ANO4: variants seen among roughly 807,000 people sequenced by gnomAD.
ANO4 encodes the protein anoctamin-4.
ANO4 carries 69 observed loss-of-function variants against 141.9 expected under a neutral mutation model. The ratio of observed to expected loss-of-function variants is 0.49; its 90% CI spans 0.40 to 0.59. ANO4 has a LOEUF of 0.59. ANO4 is among the 20% of genes least tolerant of loss of function. ANO4 has a pLI of 0.00. For missense variants in ANO4, 894 were observed against 1,162.2 expected (o/e 0.77, Z 3.36); for synonymous variants, 350 against 394.3 (o/e 0.89, Z 1.33).
chr12:100,984,935 T>A (rs1364502959), intron 7 of ANO4, among the ~76,000 whole-genome samples: 1 of 152,204 alleles, frequency 6.6e-6, no homozygotes, highest in Non-Finnish European at 1.5e-5. Context: ...TACAGCTTTA[T>A]TTGTTTTTAT....
intron 22 of ANO4, among the ~76,000 whole-genome samples, chr12:101,109,062 C>T (rs1440081033): frequency 6.6e-6 from 1 of 152,040 alleles, no homozygotes; most frequent in Non-Finnish European, 1.5e-5. Flanking sequence ...ATGATCTTGA[C>T]ATATTTGCAG....
chr12:101,015,027 A>G lies in ANO4; in HGVS notation c.735-5007A>G, dbSNP rs146498442. Among the ~76,000 whole-genome samples the G allele has an allele frequency of 3.9e-3, 553 of 143,542 alleles. 2 individuals carry two copies. Among genetic ancestry groups the G allele is most frequent in the African/African-American group, 0.013 (522 of 39,662 alleles). The allele number at this position is 143,542 out of a possible 152,430, so 94.2% of individuals were successfully genotyped here. A position where few individuals can be genotyped will look rare whatever the true frequency, so the allele number is the denominator to read the frequency against. Reference sequence around the variant, plus strand: ...TTTTTTGTAGAGATGGGGTCTCACTATGTTGCCCTGGTCTTGAACTTCTGG... The same window carrying G: ...TTTTTTGTAGAGATGGGGTCTCACTGTGTTGCCCTGGTCTTGAACTTCTGG... On this transcript the variant is annotated intron_variant, in intron 8 of 27. Transcript: ENST00000392977.
At chr12:100,965,081 C>T (rs947280534) in intron 5 of ANO4, among the ~76,000 whole-genome samples, 3 of 152,134 alleles carry the variant, frequency 2.0e-5, no homozygotes, top group Non-Finnish European at 4.4e-5. Flanking sequence ...TGCTAAGTTA[C>T]AGTTCACACA....
At chr12:100,748,373 G>A (rs1361774340) in intron 3 of ANO4, among the ~76,000 whole-genome samples, 2 of 152,158 alleles carry the variant, frequency 1.3e-5, no homozygotes, top group Non-Finnish European at 2.9e-5. Flanking sequence ...GGAGACTCAT[G>A]TGCTCCCTTG....
At position 100,974,599 on chromosome 12, in the gene ANO4, T is replaced by TA. The variant is rs201248777; in HGVS notation, c.558-237dup. Reference sequence around the variant, plus strand: ...TGCTTTGTAGGCAAGGAGCAACCATTAAAAAAAAATTATGGTAATGGGTAG... The same window carrying TA: ...TGCTTTGTAGGCAAGGAGCAACCATTAAAAAAAAAATTATGGTAATGGGTAG... On this transcript the variant is annotated intron_variant, in intron 6 of 27. Coordinates refer to ENST00000392977, the MANE Select transcript of ANO4 (RefSeq NM_001286615.2). Among the ~76,000 whole-genome samples, 495 of 151,520 alleles carry TA rather than the reference T, an allele frequency of 3.3e-3. 5 individuals carry two copies. The highest frequency in any genetic ancestry group is 0.01 in the African/African-American group (418 of 41,394).
chr12:100,726,873 TAA>T (rs986933320), intron 1 of ANO4, among the ~76,000 whole-genome samples: 1 of 151,824 alleles, frequency 6.6e-6, no homozygotes, highest in African/African-American at 2.4e-5. Context: ...AGTGCAACAT[TAA>T]AAAAACTTTG....
intron 8 of ANO4, among the ~76,000 whole-genome samples, chr12:101,002,266 C>T (rs976467855): frequency 6.6e-6 from 1 of 152,230 alleles, no homozygotes; most frequent in African/African-American, 2.4e-5. Context: ...CATCCTTCCT[C>T]TAGGAATATT....
intron 1 of ANO4, among the ~76,000 whole-genome samples, chr12:100,834,023 C>T (rs994067589): frequency 1.1e-4 from 17 of 152,058 alleles, no homozygotes; most frequent in African/African-American, 3.9e-4. Flanking sequence ...TAAGGTAGCT[C>T]ACTCGATTCA....
At position 100,850,791 on chromosome 12, in the gene ANO4, A is replaced by G. The variant is rs191843582; in HGVS notation, c.-140-50855A>G. Among the ~76,000 whole-genome samples, 77 of 152,236 alleles carry G rather than the reference A, an allele frequency of 5.1e-4. No individual in the cohort carries two copies. The East Asian group carries it at 0.015, about 29-fold the overall frequency. Reference sequence around the variant, plus strand: ...ATTGATATTTGGTATGTTTTCTTTGATCTTGATTATATAGATTTCTTCACA... The same window carrying G: ...ATTGATATTTGGTATGTTTTCTTTGGTCTTGATTATATAGATTTCTTCACA... On this transcript the variant is annotated intron_variant, in intron 1 of 27. Transcript: ENST00000392977.
At position 100,800,887 on chromosome 12, in the gene ANO4, G is replaced by A. The variant is rs116937350; in HGVS notation, c.-141+5860G>A. Among the ~76,000 whole-genome samples the A allele has an allele frequency of 4.5e-3, 678 of 152,298 alleles. 4 individuals are homozygous for A. Among genetic ancestry groups the A allele is most frequent in the Non-Finnish European group, 6.2e-3 (422 of 68,024 alleles). On this transcript the variant is annotated intron_variant, in intron 1 of 27. Transcript: ENST00000392977. ...CATTTGCAATACTCAGAAATTTACA[G>A]TGCTCTCACTTGCCTCAGTGCCTTT...
chr12:101,120,405 T>A, intron 25 of ANO4, 115 bp from the exon 26 acceptor site: 2 of 831,902 alleles, frequency 2.4e-6, no homozygotes, highest in Non-Finnish European at 3.8e-6. Flanking sequence ...ATATCTAGTA[T>A]AGAGAAACTT....
intron 1 of ANO4, among the ~76,000 whole-genome samples, chr12:100,733,492 C>T (rs1482964052): frequency 6.6e-6 from 1 of 152,150 alleles, no homozygotes; most frequent in Non-Finnish European, 1.5e-5. Flanking sequence ...CCCCAACTGC[C>T]CAAGCACCCT....
intron 1 of ANO4, among the ~76,000 whole-genome samples, chr12:100,821,309 A>T (rs1205963994): frequency 6.6e-6 from 1 of 152,056 alleles, no homozygotes; most frequent in Non-Finnish European, 1.5e-5. Flanking sequence ...TGGCTGGAGC[A>T]ATGAGGAAGG....
intron 3 of ANO4, among the ~76,000 whole-genome samples, chr12:100,785,980 G>A (rs1411042752): frequency 1.3e-5 from 2 of 152,250 alleles, no homozygotes; most frequent in East Asian, 3.9e-4. Context: ...CAAAATATGA[G>A]CATGTCACAG....
chr12:100,730,233 C>T (rs1348689073), intron 1 of ANO4, among the ~76,000 whole-genome samples: 1 of 152,240 alleles, frequency 6.6e-6, no homozygotes, highest in South Asian at 2.1e-4. Context: ...TCAGCAAATT[C>T]CACAAATATA....
At position 101,099,610 on chromosome 12, in the gene ANO4, T is replaced by C. The variant is rs2050115984; in HGVS notation, c.2039T>C (p.Val680Ala). Residue 680 changes from valine to alanine, a missense_variant, in exon 22 of 28, where the codon GTA (valine) becomes GCA (alanine). This residue lies in a region of ANO4 where 637 missense variants were observed against 909.2 expected (regional missense o/e 0.70). Transcript: ENST00000392977. ...CAGAATTGGTGGACTAGAAGAAAAG[T>C]ACGACAAGAACATGGACCTGAAAGG... The part of the protein sequence containing the change: ...LIQNWWTRRK[V>A]RQEHGPERKI... The C allele has an allele frequency of 6.2e-7, 1 of 1,603,934 alleles. No individual in the cohort carries two copies.
At chr12:100,796,200 C>G (rs1328300476) in intron 1 of ANO4, among the ~76,000 whole-genome samples, 1 of 152,146 alleles carries the variant, frequency 6.6e-6, no homozygotes, top group Non-Finnish European at 1.5e-5. Flanking sequence ...GTCCATTTCA[C>G]TCTAGAGAGG....
intron 5 of ANO4, among the ~76,000 whole-genome samples, chr12:100,963,341 C>G (rs1048816290): frequency 3.9e-5 from 6 of 152,154 alleles, no homozygotes; most frequent in Non-Finnish European, 1.5e-5. Flanking sequence ...ACTTAAAGGT[C>G]TACTAAGGGG....
At chr12:100,916,666 A>G (rs1217576701) in intron 2 of ANO4, among the ~76,000 whole-genome samples, 1 of 152,190 alleles carries the variant, frequency 6.6e-6, no homozygotes, top group Non-Finnish European at 1.5e-5. Context: ...AACATATACT[A>G]TAGAAAAGAC....
Sources: gnomAD v4.1 joint callset for allele counts (sites outside exome capture counted in the v4.1 genomes callset) on GRCh38, gnomAD v4.1.1 for gene constraint, gnomAD v4.1.1 regional missense constraint, MANE v1.5 for transcripts, NCBI Gene and HGNC (gene_info 2026-07-23, HGNC 2026-07-21) for gene names.